Variants in ABCB8 observed in about 807,000 individuals in gnomAD.
The protein encoded by ABCB8 is mitochondrial potassium channel ATP-binding subunit.
A neutral mutation model predicts 73.0 loss-of-function variants in ABCB8; 52 were observed. That is an observed-to-expected ratio of 0.71 (90% confidence interval 0.57 to 0.90). The LOEUF (loss-of-function observed/expected upper bound fraction) is 0.90. Ranked by LOEUF, ABCB8 falls within the 40% of genes least tolerant of loss-of-function variation. The pLI is 0.00. For missense variants in ABCB8, 909 were observed against 974.6 expected (o/e 0.93, Z 0.90); for synonymous variants, 428 against 423.5 (o/e 1.01, Z -0.13).
At chr7:151,040,474 C>T (rs963236962) in intron 10 of ABCB8, 24 bp from the exon 11 acceptor site, 10 of 1,599,192 alleles carry the variant, frequency 6.3e-6, no homozygotes, top group South Asian at 5.6e-5. Context: ...TGCCTCCCTG[C>T]GGACTTTGGA....
chr7:151,035,797 C>G (rs548872253), intron 6 of ABCB8, 55 bp downstream of exon 6: 1 of 1,609,850 alleles, frequency 6.2e-7, no homozygotes, highest in South Asian at 1.1e-5. Context: ...TCTCTTTCCA[C>G]TCCCCGGAAC....
chr7:151,033,011 G>A (rs1341532743), intron 1 of ABCB8: 1 of 456,716 alleles, frequency 2.2e-6, no homozygotes, highest in East Asian at 7.0e-5. Context: ...GCTGCCTGCG[G>A]ACAAGTTATT....
intron 1 of ABCB8, among the ~76,000 whole-genome samples, chr7:151,032,553 G>A (rs1013877882): frequency 6.6e-6 from 1 of 152,100 alleles, no homozygotes; most frequent in Non-Finnish European, 1.5e-5. Flanking sequence ...AATTAGCTGG[G>A]CGTGGTGGCT....
chr7:151,028,930 C>T lies in ABCB8; in HGVS notation c.95+320C>T, dbSNP rs1563280961. 2.9e-6 allele frequency: 4 copies of T among 1,363,448 alleles called. No individual in the cohort carries two copies. In the South Asian group the frequency reaches 5.0e-5, roughly 17 times the overall value. The allele number at this position is 1,363,448 out of a possible 1,614,324, so 84.5% of individuals were successfully genotyped here. A position where few individuals can be genotyped will look rare whatever the true frequency, so the allele number is the denominator to read the frequency against. ...CCTGGAGGTGATTGCGCGATTTGGA[C>T]GAAAATTCTTATTAGTATGAAGAGA... On this transcript the variant is annotated intron_variant, in intron 1 of 15. Transcript: ENST00000358849.
At chr7:151,041,315 C>T in intron 13 of ABCB8, 83 bp downstream of exon 13, 1 of 1,459,184 alleles carries the variant, frequency 6.9e-7, no homozygotes, top group Non-Finnish European at 9.1e-7. Flanking sequence ...GGTGCCTTTT[C>T]TTTCTTTCCC....
chr7:151,040,151 C>T, intron 9 of ABCB8, 117 bp from the exon 10 acceptor site: 5 of 1,214,198 alleles, frequency 4.1e-6, no homozygotes, highest in Non-Finnish European at 5.9e-6. Flanking sequence ...GGAGCAGTCT[C>T]TGCATTTGGC....
chr7:151,040,153 G>A, intron 9 of ABCB8, 115 bp from the exon 10 acceptor site: 1 of 1,235,904 alleles, frequency 8.1e-7, no homozygotes, highest in Non-Finnish European at 1.2e-6. Context: ...AGCAGTCTCT[G>A]CATTTGGCCA....
Position 151,043,654 on chromosome 7 carries a change from G to A in ABCB8, c.1766-317G>A, listed in dbSNP as rs928642932. On this transcript the variant is annotated intron_variant, in intron 14 of 15. Coordinates refer to ENST00000358849, the MANE Select transcript of ABCB8 (RefSeq NM_007188.5). ...GTGGAGGGTCAGAGGCAGGACGAGCGTACACAGTGCGGGGTAGAGGGTCAG... is the reference window on the plus strand; with the variant it reads ...GTGGAGGGTCAGAGGCAGGACGAGCATACACAGTGCGGGGTAGAGGGTCAG... Among the ~76,000 whole-genome samples, 8 of 144,420 alleles carry A rather than the reference G, an allele frequency of 5.5e-5. No individual in the cohort carries two copies. In the South Asian group the frequency reaches 6.7e-4, roughly 12 times the overall value. The allele number at this position is 144,420 out of a possible 152,430, so 94.7% of individuals were successfully genotyped here. A position where few individuals can be genotyped will look rare whatever the true frequency, so the allele number is the denominator to read the frequency against.
At chr7:151,031,502 CTT>C (rs914748261) in intron 1 of ABCB8, 2 of 556,268 alleles carry the variant, frequency 3.6e-6, no homozygotes, top group Admixed American at 3.4e-5. Context: ...TCACACTACT[CTT>C]TTTTTAAACC....
chr7:151,031,634 C>G (rs1563285306), intron 1 of ABCB8: 1 of 153,526 alleles, frequency 6.5e-6, no homozygotes, highest in African/African-American at 2.5e-5. Flanking sequence ...CTGCTATGAT[C>G]TTTTTTTTTT....
rs1796617099 is a variant in ABCB8 at position 151,046,500 on chromosome 7, C to T, written c.*1151C>T. On this transcript the variant is annotated 3_prime_UTR_variant, in exon 16 of 16. Coordinates refer to ENST00000358849, the MANE Select transcript of ABCB8 (RefSeq NM_007188.5). Reference sequence around the variant, plus strand: ...TGGCTGAACTGGTGCCCCAGCAGGACCTCGTGTCCCTGCACTGCTGCAGAT... The same window carrying T: ...TGGCTGAACTGGTGCCCCAGCAGGATCTCGTGTCCCTGCACTGCTGCAGAT... 1 of 152,258 alleles carries T rather than the reference C, an allele frequency of 6.6e-6. No individual in the cohort carries two copies. Among genetic ancestry groups the T allele is most frequent in the Non-Finnish European group, 1.5e-5 (1 of 68,060 alleles). 9.4% of individuals were successfully genotyped at this position (152,258 alleles called of 1,614,324 possible). A position where few individuals can be genotyped will look rare whatever the true frequency, so the allele number is the denominator to read the frequency against.
chr7:151,030,830 C>T (rs1278563904), intron 1 of ABCB8, among the ~76,000 whole-genome samples: 1 of 152,218 alleles, frequency 6.6e-6, no homozygotes, highest in Non-Finnish European at 1.5e-5. Context: ...GTCCCAGCTA[C>T]TCGAGAGGCT....
chr7:151,034,469 C>A, intron 3 of ABCB8, 36 bp from the exon 4 acceptor site: 2 of 1,613,698 alleles, frequency 1.2e-6, no homozygotes, highest in Non-Finnish European at 1.7e-6. Context: ...GAGGAGCCAC[C>A]CGAGGCATCC....
Position 151,033,650 on chromosome 7 carries a change from C to T in ABCB8, c.141C>T (p.Ala47=). Residue 47 remains alanine (A), a synonymous_variant, in exon 2 of 16, where the codon GCC becomes GCT. Transcript: ENST00000358849. Reference sequence around the variant, plus strand: ...GCTCCTCCCTCCTCCGGGCCGTGGCCCACCTGCGGTCCCAGCTCTGGGCCC... The same window carrying T: ...GCTCCTCCCTCCTCCGGGCCGTGGCTCACCTGCGGTCCCAGCTCTGGGCCC... ...YRSSSLLRAV[A]HLRSQLWAHL... 1 of 1,604,270 alleles carries T rather than the reference C, an allele frequency of 6.2e-7. No homozygotes were observed. The highest frequency in any genetic ancestry group is 8.5e-7 in the Non-Finnish European group (1 of 1,173,622).
At chr7:151,031,272 T>C in intron 1 of ABCB8, 1 of 1,555,720 alleles carries the variant, frequency 6.4e-7, no homozygotes, top group South Asian at 1.2e-5. Flanking sequence ...AACTGGACAG[T>C]TACACAAGGC....
chr7:151,031,648 T>C (rs535225436), intron 1 of ABCB8: 1 of 172,058 alleles, frequency 5.8e-6, no homozygotes, highest in Admixed American at 5.9e-5. Flanking sequence ...TTTTTTTTTT[T>C]CAAGACAGAG....
In ABCB8 at chr7:151,042,048, C is replaced by A. The variant is rs148191540; in HGVS notation, c.1705C>A (p.Arg569=). ...CGATGAAGAGGTGTACACAGCCGCC[C>A]GGGAAGCGAATGCTCACGAGTTCAT... ...ASDEEVYTAA[R]EANAHEFITS... Residue 569 remains arginine, a synonymous_variant, in exon 14 of 16, where the codon CGG becomes AGG. Coordinates refer to ENST00000358849, the MANE Select transcript of ABCB8 (RefSeq NM_007188.5). 4 of 1,613,154 alleles carry A rather than the reference C, an allele frequency of 2.5e-6. No individual in the cohort carries two copies. The highest frequency in any genetic ancestry group is 3.4e-6 in the Non-Finnish European group (4 of 1,179,988).
chr7:151,032,984 C>G (rs373122552), intron 1 of ABCB8: 31 of 456,372 alleles, frequency 6.8e-5, no homozygotes, highest in Non-Finnish European at 1.2e-4. Flanking sequence ...ACTTGGTTCC[C>G]TGCTCGTCCC....
rs1357748257 is a variant in ABCB8, at chr7:151,034,423, G to A, written c.559G>A (p.Val187Ile). The change falls in exon 3 of 16, where the codon GTC (valine) becomes ATC (isoleucine). Residue 187 changes from valine (V) to isoleucine (I), a missense_variant. By Grantham distance (29) the Val-to-Ile change is conservative (BLOSUM62 3). Transcript: ENST00000358849. ...CACCCACCTGCTTATCCTCTATGGT[G>A]TCCAGGTACAGCCGGGAGTGGGGCT... Reference protein sequence around the residue: ...LSTHLLILYGVQGLLTFGYLV... With the variant: ...LSTHLLILYGIQGLLTFGYLV... 1 of 1,613,970 alleles carries A rather than the reference G, an allele frequency of 6.2e-7. No individual in the cohort carries two copies. Among genetic ancestry groups the A allele is most frequent in the Non-Finnish European group, 8.5e-7 (1 of 1,179,998 alleles).
Sources: allele counts gnomAD v4.1 joint callset (sites outside exome capture counted in the v4.1 genomes callset), GRCh38; gene constraint gnomAD v4.1.1; transcripts MANE v1.5; gene names NCBI Gene and HGNC (gene_info 2026-07-23, HGNC 2026-07-21).